CMIP: variants seen among roughly 807,000 people sequenced by gnomAD.
The protein encoded by CMIP is c-Maf inducing protein, also known as C-Maf-inducing protein.
A neutral mutation model predicts 97.3 loss-of-function variants in CMIP; 13 were observed. That is an observed-to-expected ratio of 0.13 (90% CI 0.09 to 0.21). CMIP has a LOEUF of 0.21. Ranked by LOEUF, CMIP falls within the 10% of genes least tolerant of loss-of-function variation. The pLI is 1.00. For missense variants in CMIP, 847 were observed against 1,024.9 expected, an observed-to-expected ratio of 0.83 and a Z score of 2.37; for synonymous variants, 538 against 436.3, an observed-to-expected ratio of 1.23 and a Z score of -2.91.
At chr16:81,581,110 T>G (rs999752479) in intron 1 of CMIP, among the ~76,000 whole-genome samples, 43 of 152,326 alleles carry the variant, frequency 2.8e-4, no homozygotes, top group African/African-American at 1.0e-3. Flanking sequence ...AGCACTGCCT[T>G]CCTTTTGATG....
chr16:81,500,309 C>CCTTCCTTCCTT (rs1171863176), intron 1 of CMIP, among the ~76,000 whole-genome samples: 27 of 21,386 alleles, frequency 1.3e-3, no homozygotes, highest in African/African-American at 3.6e-3. Flanking sequence ...CTTCCTGCCT[C>CCTTCCTTCCTT]CCTCCCTCCC....
chr16:81,563,519 C>T (rs1352870082), intron 1 of CMIP, among the ~76,000 whole-genome samples: 1 of 152,192 alleles, frequency 6.6e-6, no homozygotes, highest in Admixed American at 6.5e-5. Flanking sequence ...TGGGGCCACA[C>T]TGACACGTAC....
chr16:81,535,095 C>T (rs1465469227), intron 1 of CMIP, among the ~76,000 whole-genome samples: 4 of 152,118 alleles, frequency 2.6e-5, no homozygotes, highest in African/African-American at 7.2e-5. Flanking sequence ...GGACTCCAGG[C>T]ACCTGCCACC....
intron 1 of CMIP, among the ~76,000 whole-genome samples, chr16:81,578,884 G>T (rs1369578900): frequency 6.6e-6 from 1 of 152,214 alleles, no homozygotes; most frequent in Non-Finnish European, 1.5e-5. Context: ...GGCCTGCGAG[G>T]TCCAAGGTTG....
At chr16:81,484,577 G>C (rs900168264) in intron 1 of CMIP, among the ~76,000 whole-genome samples, 11 of 152,162 alleles carry the variant, frequency 7.2e-5, no homozygotes, top group African/African-American at 2.4e-4. Context: ...CTTGAGGCAG[G>C]AGTGGGTTTT....
intron 1 of CMIP, among the ~76,000 whole-genome samples, chr16:81,495,850 C>G (rs1236751540): frequency 1.4e-5 from 2 of 144,388 alleles, no homozygotes; most frequent in Non-Finnish European, 3.2e-5. Context: ...TTCTTTCCAC[C>G]TCATTCCCCC....
chr16:81,477,665 G>C (rs1202602180), intron 1 of CMIP, among the ~76,000 whole-genome samples: 1 of 152,222 alleles, frequency 6.6e-6, no homozygotes, highest in Admixed American at 6.5e-5. Flanking sequence ...GCAGAAGCTT[G>C]TTTGTTTTCT....
chr16:81,485,652 G>C (rs2089302609), intron 1 of CMIP, among the ~76,000 whole-genome samples: 1 of 152,222 alleles, frequency 6.6e-6, no homozygotes. Flanking sequence ...GGAAATAACA[G>C]TAAGAGCTAA....
At chr16:81,573,625 G>A (rs528946097) in intron 1 of CMIP, among the ~76,000 whole-genome samples, 4 of 152,186 alleles carry the variant, frequency 2.6e-5, no homozygotes, top group East Asian at 1.9e-4. Flanking sequence ...TTGTGGGTTC[G>A]GGGCCCTAGG....
chr16:81,610,539 A>G (rs1283156423), intron 2 of CMIP: 12 of 985,380 alleles, frequency 1.2e-5, no homozygotes, highest in Admixed American at 6.1e-5. Flanking sequence ...AGGGGAACCC[A>G]GGTGGGTGCA....
chr16:81,668,426 G>A (rs776404459), intron 7 of CMIP, among the ~76,000 whole-genome samples: 14 of 152,138 alleles, frequency 9.2e-5, no homozygotes, highest in Admixed American at 2.6e-4. Flanking sequence ...CAAGCCCCAA[G>A]CCCCCCACTG....
rs780186139 is a variant in CMIP, at chr16:81,470,983, C to T, written c.300+25442C>T. Reference sequence around the variant, plus strand: ...ATACACACATGCACACAGGCACAAACGTGCATACACACATGCACACAGGCA... The same window carrying T: ...ATACACACATGCACACAGGCACAAATGTGCATACACACATGCACACAGGCA... On this transcript the variant is annotated intron_variant, in intron 1 of 20. Transcript: ENST00000537098. Among the ~76,000 whole-genome samples, 8 of 151,822 alleles carry T rather than the reference C, an allele frequency of 5.3e-5. No individual in the cohort carries two copies. The South Asian group carries it at 1.5e-3, about 28-fold the overall frequency.
rs769032750 is a variant in CMIP at position 81,701,811 on chromosome 16, G to A, written c.1896+11G>A. ...GAGCTGAAGGAGCTGGTGAGTCCCC[G>A]GCTGCTCCGGACCACTCCCCTGCCC... On this transcript the variant is annotated intron_variant, in intron 16 of 20. Transcript: ENST00000537098. 21 of 1,612,772 alleles carry A rather than the reference G, an allele frequency of 1.3e-5. No individual in the cohort carries two copies. The highest frequency in any genetic ancestry group is 4.5e-5 in the East Asian group (2 of 44,898).
intron 2 of CMIP, among the ~76,000 whole-genome samples, chr16:81,612,633 C>T (rs965414724): frequency 6.6e-6 from 1 of 152,194 alleles, no homozygotes. Context: ...GACAATGCAA[C>T]AATGAGAAAG....
intron 3 of CMIP, chr16:81,651,276 G>C (rs1373714475): frequency 4.9e-6 from 1 of 202,284 alleles, no homozygotes; most frequent in Non-Finnish European, 8.8e-6. Context: ...GCCCGGGCGG[G>C]GGTGGAGGGA....
At position 81,453,438 on chromosome 16, in the gene CMIP, C is replaced by G. The variant is rs766457955; in HGVS notation, c.300+7897C>G. Among the ~76,000 whole-genome samples the G allele has an allele frequency of 3.3e-5, 5 of 152,230 alleles. No homozygotes were observed. Among genetic ancestry groups the G allele is most frequent in the African/African-American group, 7.2e-5 (3 of 41,452 alleles). ...AAGGAAGATCACACCGGGACTGCTG[C>G]TAGCTTCTCTGGGTGTCCTGGGCCA... is the stretch of plus-strand genomic sequence containing the variant. On this transcript the variant is annotated intron_variant, in intron 1 of 20. Coordinates refer to ENST00000537098, the MANE Select transcript of CMIP (RefSeq NM_198390.3). This position sits in a 1 kb window ranked among gnomAD's most constrained non-coding sequence, Gnocchi z 4.0.
chr16:81,672,950 C>G (rs770352921), intron 9 of CMIP, among the ~76,000 whole-genome samples: 7 of 152,176 alleles, frequency 4.6e-5, no homozygotes, highest in Admixed American at 3.3e-4. Context: ...ATTCCCTGCT[C>G]TCTTGGGGCT....
intron 3 of CMIP, among the ~76,000 whole-genome samples, chr16:81,646,414 G>A (rs1325417533): frequency 3.9e-5 from 6 of 152,140 alleles, no homozygotes; most frequent in African/African-American, 1.4e-4. Context: ...CTTCGCCACT[G>A]AGCCATACTA....
At chr16:81,633,398 G>A (rs1259947360) in intron 3 of CMIP, among the ~76,000 whole-genome samples, 1 of 152,212 alleles carries the variant, frequency 6.6e-6, no homozygotes, top group Admixed American at 6.5e-5. Context: ...GCTCGGAGAT[G>A]AGGCCAAACA....
Sources: gnomAD v4.1 joint callset for allele counts (sites outside exome capture counted in the v4.1 genomes callset) on GRCh38, gnomAD v4.1.1 for gene constraint, Gnocchi (gnomAD v3.1) non-coding constraint, MANE v1.5 for transcripts, NCBI Gene and HGNC (gene_info 2026-07-23, HGNC 2026-07-21) for gene names.